C4orf50: variants seen among roughly 807,000 people sequenced by gnomAD.
C4orf50 encodes the protein uncharacterized protein C4orf50.
A neutral mutation model predicts 77.2 loss-of-function variants in C4orf50; 80 were observed. That is an observed-to-expected ratio of 1.04 (90% CI 0.87 to 1.25). The LOEUF (loss-of-function observed/expected upper bound fraction) is 1.25, where lower values mean the gene tolerates loss of function less well. Ranked by LOEUF, C4orf50 falls within the 50% of genes most tolerant of loss-of-function variation. C4orf50 has a pLI of 0.00. For missense variants in C4orf50, 1,257 were observed against 1,152.9 expected, an observed-to-expected ratio of 1.09 and a Z score of -1.31; for synonymous variants, 532 against 465.3, an observed-to-expected ratio of 1.14 and a Z score of -1.84.
chr4:6,005,004 C>T (rs1471098253), intron 25 of C4orf50, among the ~76,000 whole-genome samples: 1 of 152,152 alleles, frequency 6.6e-6, no homozygotes, highest in Non-Finnish European at 1.5e-5. Flanking sequence ...CAGTATTAGT[C>T]CCATTTCACA....
At chr4:5,999,104 A>G (rs1721719325) in intron 25 of C4orf50, among the ~76,000 whole-genome samples, 1 of 152,224 alleles carries the variant, frequency 6.6e-6, no homozygotes, top group Non-Finnish European at 1.5e-5. Flanking sequence ...GCTACCTTGC[A>G]GAGTTCATGA....
intron 27 of C4orf50, among the ~76,000 whole-genome samples, chr4:5,991,512 C>G (rs1017600192): frequency 2.6e-5 from 4 of 152,230 alleles, no homozygotes; most frequent in Non-Finnish European, 4.4e-5. Flanking sequence ...GTATTTTTAT[C>G]TTCACTTATG....
rs758611016 is a variant in C4orf50 at position 5,965,182 on chromosome 4, G to T, written c.4154-37C>A. ...AATTCTCAGTCAAGCCTCCACCCAG[G>T]AACCTAGGTGAAAAGTCTACAAGTG... is the stretch of plus-strand genomic sequence containing the variant. On this transcript the variant is annotated intron_variant, in intron 32 of 33. Coordinates refer to ENST00000531445, the Ensembl canonical transcript of C4orf50. 3 of 1,597,974 alleles carry T rather than the reference G, an allele frequency of 1.9e-6. No homozygotes were observed. The African/African-American group carries it at 4.0e-5, about 21-fold the overall frequency.
At chr4:5,959,379 A>T (rs1719142375) in exon 34 of C4orf50, 1 of 1,612,888 alleles carries the variant, frequency 6.2e-7, no homozygotes, top group South Asian at 1.1e-5. Flanking sequence ...GCCCTATTAC[A>T]TTTCTAACTC....
chr4:6,017,944 CG>C lies in C4orf50; in HGVS notation c.287+200del, dbSNP rs1722740600. On this transcript the variant is annotated intron_variant, in intron 23 of 33. Coordinates refer to ENST00000531445, the Ensembl canonical transcript of C4orf50. This position sits in a 1 kb window ranked among gnomAD's most constrained non-coding sequence, Gnocchi z 4.7. ...ATGGAAGCCTTTGAGCAGAGGAGCC[CG>C]GGCAGCCTCATCTGCAGGTACAGAG... is the stretch of plus-strand genomic sequence containing the variant. 6.6e-6 allele frequency among the ~76,000 whole-genome samples: 1 copy of C among 152,114 alleles called. No individual in the cohort carries two copies. Among genetic ancestry groups the C allele is most frequent in the African/African-American group, 2.4e-5 (1 of 41,422 alleles).
intron 7 of C4orf50, among the ~76,000 whole-genome samples, chr4:5,931,751 A>G (rs1267182752): frequency 6.6e-6 from 1 of 152,084 alleles, no homozygotes; most frequent in Admixed American, 6.5e-5. Context: ...TGAGGAGCCT[A>G]AGGTTTGCAC....
intron 7 of C4orf50, among the ~76,000 whole-genome samples, chr4:5,907,828 G>T (rs1716622059): frequency 6.6e-6 from 1 of 152,194 alleles, no homozygotes; most frequent in South Asian, 2.1e-4. Context: ...CTAAAGTGGG[G>T]TCAAGCTGGG....
exon 28 of C4orf50, chr4:5,989,038 A>G (rs1255702016): frequency 1.3e-6 from 2 of 1,535,962 alleles, no homozygotes; most frequent in Non-Finnish European, 1.7e-6. Flanking sequence ...GCAGTCTTCA[A>G]GGTCAGAGAT....
intron 7 of C4orf50, chr4:5,903,123 G>C (rs1419520968): frequency 6.6e-6 from 1 of 152,190 alleles, no homozygotes; most frequent in African/African-American, 2.4e-5. Context: ...AAAGGAGTGG[G>C]GGCCCTGCAG....
chr4:5,911,046 C>T (rs989739655), intron 7 of C4orf50, among the ~76,000 whole-genome samples: 4 of 151,614 alleles, frequency 2.6e-5, no homozygotes, highest in Admixed American at 6.6e-5. Flanking sequence ...GCTGGGACTA[C>T]AGGTGCCCGC....
intron 31 of C4orf50, among the ~76,000 whole-genome samples, chr4:5,973,312 C>G (rs1720039318): frequency 6.6e-6 from 1 of 152,360 alleles, no homozygotes; most frequent in South Asian, 2.1e-4. Flanking sequence ...ACCAAAGCAG[C>G]CTGCTAGAGG....
chr4:5,977,325 G>A (rs895455988), intron 29 of C4orf50, among the ~76,000 whole-genome samples: 3 of 152,114 alleles, frequency 2.0e-5, no homozygotes, highest in African/African-American at 7.2e-5. Flanking sequence ...CAAATAAAAA[G>A]CCGCAAGCCT....
At chr4:5,972,843 G>A (rs1275489726) in intron 31 of C4orf50, among the ~76,000 whole-genome samples, 3 of 152,202 alleles carry the variant, frequency 2.0e-5, no homozygotes, top group Non-Finnish European at 4.4e-5. Flanking sequence ...GCATGTATAT[G>A]TGTGGGCAGG....
intron 7 of C4orf50, among the ~76,000 whole-genome samples, chr4:5,934,309 T>G (rs1225585312): frequency 6.6e-6 from 1 of 152,204 alleles, no homozygotes; most frequent in African/African-American, 2.4e-5. Context: ...GTTGTTGTTC[T>G]CTTCCTGCTC....
chr4:5,915,738 C>T (rs553737875), intron 7 of C4orf50, among the ~76,000 whole-genome samples: 2 of 152,216 alleles, frequency 1.3e-5, no homozygotes, highest in African/African-American at 4.8e-5. Context: ...GTAATAAACA[C>T]GTGCTCGTTT....
At chr4:5,979,725 T>C (rs1186381296) in intron 29 of C4orf50, among the ~76,000 whole-genome samples, 1 of 152,220 alleles carries the variant, frequency 6.6e-6, no homozygotes, top group Non-Finnish European at 1.5e-5. Context: ...AAAACTATAG[T>C]GTCATGTCAC....
Position 5,992,136 on chromosome 4 carries a change from G to C in C4orf50, c.1221+667C>G, listed in dbSNP as rs73212652. Among the ~76,000 whole-genome samples, 3 of 152,178 alleles carry C rather than the reference G, an allele frequency of 2.0e-5. No homozygotes were observed. The highest frequency in any genetic ancestry group is 2.4e-5 in the African/African-American group (1 of 41,450). On this transcript the variant is annotated intron_variant, in intron 27 of 33. Coordinates refer to ENST00000531445, the Ensembl canonical transcript of C4orf50. This position sits in a 1 kb window ranked among gnomAD's most constrained non-coding sequence, Gnocchi z 5.0. ...CATTGCCCTGGGCTTCAAGGGAAGG[G>C]GGCGGTGAGGAGCGAGGCATATAGG...
rs1489668572 is a variant in C4orf50, at chr4:5,932,698, T to C, written c.*2474+24203A>G. Among the ~76,000 whole-genome samples, 1 of 152,120 alleles carries C rather than the reference T, an allele frequency of 6.6e-6. No individual in the cohort carries two copies. The highest frequency in any genetic ancestry group is 2.4e-5 in the African/African-American group (1 of 41,418). On this transcript the variant is annotated intron_variant, in intron 7 of 7. Coordinates refer to the C4orf50 transcript ENST00000324058. The surrounding 1 kb of genome is among the most constrained non-coding windows in gnomAD (Gnocchi z 4.2). ...CTCAGGCAATTCTCTTACCTCAGCC[T>C]CCCAAAGTGCTGAGATAACAGGTGT...
At chr4:5,906,237 G>A (rs575424302) in intron 7 of C4orf50, among the ~76,000 whole-genome samples, 192 of 151,974 alleles carry the variant, frequency 1.3e-3, no homozygotes, top group Non-Finnish European at 1.8e-3. Context: ...GTGGGGGGGC[G>A]GGGACTCCAG....
Sources: allele counts gnomAD v4.1 joint callset (sites outside exome capture counted in the v4.1 genomes callset), GRCh38; gene constraint gnomAD v4.1.1; non-coding constraint Gnocchi (gnomAD v3.1); transcripts MANE v1.5; gene names NCBI Gene and HGNC (gene_info 2026-07-23, HGNC 2026-07-21).